Variants in GBE1 observed in about 807,000 individuals in gnomAD.
GBE1 encodes 1,4-alpha-glucan-branching enzyme.
GBE1 carries 70 observed loss-of-function variants against 88.8 expected under a neutral mutation model. That is an observed-to-expected ratio of 0.79 (90% CI 0.65 to 0.96). The LOEUF (loss-of-function observed/expected upper bound fraction) is 0.96. GBE1 is among the 40% of genes least tolerant of loss of function. GBE1 has a pLI of 0.00. For missense variants in GBE1, 872 were observed against 871.0 expected (o/e 1.00, Z -0.01); for synonymous variants, 284 against 300.1 (o/e 0.95, Z 0.56).
At chr3:81,634,645 AG>A (rs1704567174) in intron 7 of GBE1, among the ~76,000 whole-genome samples, 1 of 152,066 alleles carries the variant, frequency 6.6e-6, no homozygotes, top group Admixed American at 6.6e-5. Context: ...ATCAAGAGAC[AG>A]GGGGAAAAAA....
intron 2 of GBE1, among the ~76,000 whole-genome samples, chr3:81,692,688 A>C (rs1480848669): frequency 8.5e-5 from 13 of 152,298 alleles, no homozygotes; most frequent in South Asian, 2.1e-4. Flanking sequence ...TTTTGGACTA[A>C]ACTTTATAAA....
intron 14 of GBE1, among the ~76,000 whole-genome samples, chr3:81,522,500 C>T (rs1017094335): frequency 1.3e-5 from 2 of 151,162 alleles, no homozygotes; most frequent in Admixed American, 1.3e-4. Context: ...TTAGAAGGTG[C>T]GTTGTAAATT....
At chr3:81,679,640 T>C (rs1455894118) in intron 2 of GBE1, among the ~76,000 whole-genome samples, 1 of 152,240 alleles carries the variant, frequency 6.6e-6, no homozygotes, top group Non-Finnish European at 1.5e-5. Context: ...TAGCTTTCGA[T>C]ACAGTTTTCA....
chr3:81,577,152 G>C (rs965164119), intron 12 of GBE1, among the ~76,000 whole-genome samples: 1 of 151,714 alleles, frequency 6.6e-6, no homozygotes, highest in African/African-American at 2.4e-5. Context: ...ATATTGTCCA[G>C]GTTGGTCTCT....
intron 3 of GBE1, among the ~76,000 whole-genome samples, chr3:81,666,164 T>C (rs1360116649): frequency 6.6e-6 from 1 of 152,124 alleles, no homozygotes; most frequent in Non-Finnish European, 1.5e-5. Flanking sequence ...AGTATAATCA[T>C]ATTTTTATGA....
chr3:81,586,999 C>T (rs1703812079), intron 9 of GBE1, among the ~76,000 whole-genome samples: 1 of 151,910 alleles, frequency 6.6e-6, no homozygotes, highest in African/African-American at 2.4e-5. Flanking sequence ...ATCATGTTGG[C>T]CAGGCTGTTC....
chr3:81,591,255 G>T, intron 8 of GBE1, 91 bp from the exon 9 acceptor site: 1 of 1,029,668 alleles, frequency 9.7e-7, no homozygotes, highest in Non-Finnish European at 1.4e-6. Flanking sequence ...TTGTTTATAT[G>T]AATTTTGTTA....
At chr3:81,684,914 TA>T (rs1364312848) in intron 2 of GBE1, among the ~76,000 whole-genome samples, 3 of 152,144 alleles carry the variant, frequency 2.0e-5, no homozygotes, top group Non-Finnish European at 2.9e-5. Flanking sequence ...CCCAGCCAAG[TA>T]AGTGACAGAG....
chr3:81,665,223 C>T (rs1026377181), intron 3 of GBE1, among the ~76,000 whole-genome samples: 3 of 152,024 alleles, frequency 2.0e-5, no homozygotes, highest in Non-Finnish European at 4.4e-5. Context: ...ATGAAAATTA[C>T]TAGATTGATG....
chr3:81,723,142 T>C (rs749220615), intron 1 of GBE1, among the ~76,000 whole-genome samples: 2 of 151,836 alleles, frequency 1.3e-5, no homozygotes, highest in African/African-American at 4.8e-5. Context: ...TAGTGTCATA[T>C]CCTCAAGGAT....
intron 3 of GBE1, among the ~76,000 whole-genome samples, chr3:81,664,506 G>A (rs1048201886): frequency 1.3e-4 from 19 of 148,562 alleles, no homozygotes; most frequent in Non-Finnish European, 8.9e-5. Context: ...CCAAACCTGA[G>A]AGCAGCTGGG....
At chr3:81,629,944 C>T (rs1177798238) in intron 7 of GBE1, among the ~76,000 whole-genome samples, 3 of 150,450 alleles carry the variant, frequency 2.0e-5, no homozygotes, top group African/African-American at 4.9e-5. Flanking sequence ...TCAATTCCCA[C>T]GTATGAGTGA....
chr3:81,564,053 T>C (rs1703457646), intron 12 of GBE1, among the ~76,000 whole-genome samples: 1 of 152,060 alleles, frequency 6.6e-6, no homozygotes, highest in Non-Finnish European at 1.5e-5. Context: ...TGGAACAGCA[T>C]TAAGAGATGT....
At chr3:81,695,101 T>C (rs897362903) in intron 2 of GBE1, among the ~76,000 whole-genome samples, 4 of 152,220 alleles carry the variant, frequency 2.6e-5, no homozygotes, top group Non-Finnish European at 4.4e-5. Flanking sequence ...AAACACTACA[T>C]TTTAATCCCC....
chr3:81,653,551 C>T (rs1704882484), intron 3 of GBE1, among the ~76,000 whole-genome samples: 1 of 152,010 alleles, frequency 6.6e-6, no homozygotes, highest in Admixed American at 6.6e-5. Context: ...ATTATAAAAG[C>T]TTGCCTCATG....
At chr3:81,527,631 G>A (rs955229199) in intron 14 of GBE1, among the ~76,000 whole-genome samples, 4 of 152,054 alleles carry the variant, frequency 2.6e-5, no homozygotes, top group Non-Finnish European at 4.4e-5. Context: ...CATCATCACT[G>A]GCCATCAGAG....
intron 2 of GBE1, among the ~76,000 whole-genome samples, chr3:81,701,144 T>C (rs1705680676): frequency 2.0e-5 from 3 of 152,164 alleles, no homozygotes; most frequent in Admixed American, 1.3e-4. Context: ...GAAATTCATC[T>C]CAGCCCTTTA....
At chr3:81,743,705 C>A in intron 1 of GBE1, 1 of 938,486 alleles carries the variant, frequency 1.1e-6, no homozygotes, top group Non-Finnish European at 1.5e-6. Context: ...CAAGAAAGAC[C>A]AGATTTACTT....
intron 1 of GBE1, among the ~76,000 whole-genome samples, chr3:81,735,607 A>C (rs1706247814): frequency 1.3e-5 from 2 of 152,228 alleles, no homozygotes; most frequent in Admixed American, 1.3e-4. Context: ...GATATGCCAG[A>C]GTGGCACTGC....
Sources: allele counts gnomAD v4.1 joint callset (sites outside exome capture counted in the v4.1 genomes callset), GRCh38; gene constraint gnomAD v4.1.1; transcripts MANE v1.5; gene names NCBI Gene and HGNC (gene_info 2026-07-23, HGNC 2026-07-21).